The following CFAP210 variants were observed in gnomAD, a reference collection of about 807,000 sequenced individuals.
CFAP210 encodes the protein cilia- and flagella- associated protein 210.
the CFAP210 span, among the ~76,000 whole-genome samples, chr2:169,685,525 T>G: frequency 6.6e-6 from 1 of 152,180 alleles, no homozygotes; most frequent in Non-Finnish European, 1.5e-5. Context: ...TATATATAAT[T>G]TACAAATATC....
the CFAP210 span, chr2:169,654,234 A>T: frequency 6.5e-7 from 1 of 1,537,034 alleles, no homozygotes; most frequent in Non-Finnish European, 8.8e-7. Flanking sequence ...AAAATTGTAT[A>T]TATTAACTTA....
the CFAP210 span, among the ~76,000 whole-genome samples, chr2:169,687,619 CCT>C: frequency 6.6e-6 from 1 of 152,208 alleles, no homozygotes; most frequent in African/African-American, 2.4e-5. Context: ...CAGTTCTGCC[CCT>C]GTGGCCTTGC....
the CFAP210 span, among the ~76,000 whole-genome samples, chr2:169,657,722 C>T: frequency 1.3e-5 from 2 of 150,126 alleles, no homozygotes; most frequent in South Asian, 4.2e-4. Flanking sequence ...TGTCTCAAAA[C>T]AAAATGAAAC....
chr2:169,660,697 G>A, the CFAP210 span, among the ~76,000 whole-genome samples: 1 of 151,518 alleles, frequency 6.6e-6, no homozygotes, highest in African/African-American at 2.4e-5. Flanking sequence ...TCCACTTAGG[G>A]CTCAAGCAAT....
the CFAP210 span, among the ~76,000 whole-genome samples, chr2:169,684,839 A>T: frequency 6.6e-6 from 1 of 152,132 alleles, no homozygotes; most frequent in Non-Finnish European, 1.5e-5. Context: ...TATTTTTAGT[A>T]GACATGGAGT....
the CFAP210 span, among the ~76,000 whole-genome samples, chr2:169,683,304 G>A: frequency 0.41 from 62,022 of 152,054 alleles, 12,937 homozygotes; most frequent in Non-Finnish European, 0.44. Flanking sequence ...CAGCAGTTAC[G>A]ATAAAAAGAA....
the CFAP210 span, among the ~76,000 whole-genome samples, chr2:169,656,476 A>G: frequency 1.2e-3 from 179 of 147,254 alleles, no homozygotes; most frequent in African/African-American, 4.4e-3. Flanking sequence ...GGAGGAGGAG[A>G]AGGTGGTGGA....
the CFAP210 span, among the ~76,000 whole-genome samples, chr2:169,655,860 G>A: frequency 6.6e-6 from 1 of 152,106 alleles, no homozygotes; most frequent in Non-Finnish European, 1.5e-5. Context: ...ATTAATAGAA[G>A]ACTTAGAATA....
At chr2:169,671,279 CT>C in the CFAP210 span, among the ~76,000 whole-genome samples, 4 of 152,180 alleles carry the variant, frequency 2.6e-5, no homozygotes, top group Non-Finnish European at 5.9e-5. Flanking sequence ...CTACAGCCCA[CT>C]TTTAGCATGG....
chr2:169,682,156 C>G, the CFAP210 span, among the ~76,000 whole-genome samples: 3 of 152,154 alleles, frequency 2.0e-5, no homozygotes, highest in Non-Finnish European at 4.4e-5. Flanking sequence ...CTTGGAAAAA[C>G]GGTCCTACCC....
the CFAP210 span, chr2:169,674,884 T>C: frequency 7.9e-6 from 12 of 1,518,356 alleles, no homozygotes; most frequent in South Asian, 1.6e-4. Flanking sequence ...TTTTTCACTC[T>C]TTCTGTCTGG....
At chr2:169,653,031 T>A in the CFAP210 span, among the ~76,000 whole-genome samples, 696 of 14,438 alleles carry the variant, frequency 0.048, 15 homozygotes, top group East Asian at 0.068. Flanking sequence ...AAAAAAAAAA[T>A]ATATATATAT....
chr2:169,670,871 A>T, the CFAP210 span, among the ~76,000 whole-genome samples: 1 of 152,214 alleles, frequency 6.6e-6, no homozygotes, highest in Non-Finnish European at 1.5e-5. Flanking sequence ...AGCCACACTT[A>T]AGAGGGAGAT....
chr2:169,681,024 A>G, the CFAP210 span: 1 of 1,613,924 alleles, frequency 6.2e-7, no homozygotes, highest in Non-Finnish European at 8.5e-7. Context: ...GTATTAGTCC[A>G]GTGTTTTACC....
chr2:169,681,112 G>C, the CFAP210 span: 1 of 1,613,844 alleles, frequency 6.2e-7, no homozygotes, highest in Non-Finnish European at 8.5e-7. Context: ...TTGTCAACCT[G>C]TCAAGGCTAT....
chr2:169,685,299 T>C, the CFAP210 span, among the ~76,000 whole-genome samples: 1 of 152,216 alleles, frequency 6.6e-6, no homozygotes, highest in African/African-American at 2.4e-5. Flanking sequence ...TTTTCACTCA[T>C]CCTAGTGGGT....
the CFAP210 span, among the ~76,000 whole-genome samples, chr2:169,671,001 T>C: frequency 1.3e-5 from 2 of 152,216 alleles, no homozygotes; most frequent in African/African-American, 4.8e-5. Flanking sequence ...GACTTGCCCC[T>C]TGGTAATCTG....
the CFAP210 span, among the ~76,000 whole-genome samples, chr2:169,678,360 A>AG: frequency 5.2e-5 from 7 of 134,478 alleles, no homozygotes; most frequent in East Asian, 4.0e-4. Flanking sequence ...AAAAAAAAAA[A>AG]AAAGAAAGAA....
the CFAP210 span, chr2:169,645,554 G>T: frequency 3.6e-6 from 1 of 280,824 alleles, no homozygotes; most frequent in Non-Finnish European, 6.7e-6. Context: ...TAAGAGCACT[G>T]AAAAATTCTG....
Sources: allele counts gnomAD v4.1 joint callset (sites outside exome capture counted in the v4.1 genomes callset), GRCh38; gene constraint gnomAD v4.1.1; transcripts MANE v1.5; gene names NCBI Gene and HGNC (gene_info 2026-07-23, HGNC 2026-07-21).